The following COL26A1 variants were observed in gnomAD, a reference collection of about 807,000 sequenced individuals.
COL26A1 encodes collagen type XXVI alpha 1 chain, also known as collagen alpha-1(XXVI) chain.
In COL26A1, 41 loss-of-function variants were observed where a neutral mutation model predicts 59.3. That is an observed-to-expected ratio of 0.69 (90% CI 0.54 to 0.90). COL26A1 has a LOEUF of 0.90. COL26A1 is among the 40% of genes least tolerant of loss of function. The pLI is 0.00. For synonymous variants in COL26A1, 266 were observed against 256.0 expected (o/e 1.04, Z -0.37); for missense variants, 612 against 602.3 (o/e 1.02, Z -0.17).
At chr7:101,402,592 TC>T (rs1792035419) in intron 1 of COL26A1, among the ~76,000 whole-genome samples, 2 of 151,804 alleles carry the variant, frequency 1.3e-5, no homozygotes, top group South Asian at 4.2e-4. Context: ...TCTTTTTTCT[TC>T]CTTCCTTCTT....
At chr7:101,423,766 G>A (rs1792580541) in intron 2 of COL26A1, among the ~76,000 whole-genome samples, 1 of 151,634 alleles carries the variant, frequency 6.6e-6, no homozygotes, top group South Asian at 2.1e-4. Context: ...TCTTCGATGT[G>A]GTGTTCACTG....
At chr7:101,422,245 A>G (rs902657919) in intron 2 of COL26A1, among the ~76,000 whole-genome samples, 1 of 151,250 alleles carries the variant, frequency 6.6e-6, no homozygotes, top group African/African-American at 2.4e-5. Flanking sequence ...CGGGAGAAGG[A>G]GGTTGCAGTG....
rs747999760 is a variant in COL26A1 at position 101,457,894 on chromosome 7, CTTTTTTTTT to C, written c.385+10119_385+10127del. Among the ~76,000 whole-genome samples, 3 of 113,698 alleles carry C rather than the reference CTTTTTTTTT, an allele frequency of 2.6e-5. No individual in the cohort carries two copies. The Admixed American group carries it at 2.8e-4, about 10-fold the overall frequency. 74.6% of individuals were successfully genotyped at this position (113,698 alleles called of 152,430 possible). A position where few individuals can be genotyped will look rare whatever the true frequency, so the allele number is the denominator to read the frequency against. ...TTTGCTAGGTTGTGGTATAGCTTAA[CTTTTTTTTT>C]TTTTTTTTTTTGAAATGGAGTCTCA... On this transcript the variant is annotated intron_variant, in intron 3 of 12. Coordinates refer to ENST00000313669, the MANE Select transcript of COL26A1 (RefSeq NM_001278563.3).
intron 3 of COL26A1, among the ~76,000 whole-genome samples, chr7:101,453,687 C>T (rs537304998): frequency 1.1e-4 from 17 of 152,272 alleles, no homozygotes; most frequent in African/African-American, 3.6e-4. Flanking sequence ...CTGAAGAATT[C>T]CTGGGAGTCT....
At chr7:101,400,661 C>T (rs757811322) in intron 1 of COL26A1, among the ~76,000 whole-genome samples, 6 of 152,132 alleles carry the variant, frequency 3.9e-5, no homozygotes, top group African/African-American at 7.2e-5. Flanking sequence ...CAGGTTCAAA[C>T]GATTCTTCTG....
intron 1 of COL26A1, among the ~76,000 whole-genome samples, chr7:101,383,377 A>G (rs1311199847): frequency 1.3e-5 from 2 of 150,796 alleles, no homozygotes; most frequent in East Asian, 1.9e-4. Flanking sequence ...TTGAATTTTA[A>G]TTTTTTGAGA....
chr7:101,397,430 TCTTTA>T (rs933430572), intron 1 of COL26A1, among the ~76,000 whole-genome samples: 5 of 151,658 alleles, frequency 3.3e-5, no homozygotes, highest in African/African-American at 1.2e-4. Flanking sequence ...CTTTTCTCTT[TCTTTA>T]CTTCTTTTCT....
intron 3 of COL26A1, among the ~76,000 whole-genome samples, chr7:101,476,862 G>C (rs78333673): frequency 8.0e-6 from 1 of 125,438 alleles, no homozygotes; most frequent in Non-Finnish European, 1.7e-5. Context: ...TTTTTTTTTT[G>C]AGATGGAATC....
chr7:101,422,302 A>T (rs926374156), intron 2 of COL26A1, among the ~76,000 whole-genome samples: 1 of 139,454 alleles, frequency 7.2e-6, no homozygotes, highest in Admixed American at 7.3e-5. Flanking sequence ...CAAGAACAAA[A>T]CTCCATCTCA....
intron 2 of COL26A1, among the ~76,000 whole-genome samples, chr7:101,435,695 T>C (rs1473528127): frequency 6.6e-6 from 1 of 152,164 alleles, no homozygotes; most frequent in Non-Finnish European, 1.5e-5. Context: ...TGGGGCCTGA[T>C]AGACTTAGAA....
chr7:101,459,124 C>A (rs1370153441), intron 3 of COL26A1, among the ~76,000 whole-genome samples: 1 of 152,000 alleles, frequency 6.6e-6, no homozygotes. Flanking sequence ...GAACAGGGAT[C>A]TTTTTGTTCC....
chr7:101,435,324 A>G (rs1792889650), intron 2 of COL26A1, among the ~76,000 whole-genome samples: 1 of 152,170 alleles, frequency 6.6e-6, no homozygotes. Context: ...CTCAATAAAA[A>G]AAGAAGACAG....
chr7:101,401,581 AAAG>A (rs150719338), intron 1 of COL26A1, among the ~76,000 whole-genome samples: 32,756 of 145,708 alleles, frequency 0.22, 3,922 homozygotes, highest in African/African-American at 0.25. Context: ...AGGAGGAGGA[AAAG>A]GAGGAGGAAG....
At chr7:101,398,783 C>T (rs543531307) in intron 1 of COL26A1, among the ~76,000 whole-genome samples, 2 of 152,156 alleles carry the variant, frequency 1.3e-5, no homozygotes, top group South Asian at 2.1e-4. Flanking sequence ...AGGAGGGGGT[C>T]GACTTTGCTG....
In COL26A1 at chr7:101,406,064, A is replaced by G. The variant is rs79763086; in HGVS notation, c.159-13913A>G. On this transcript the variant is annotated intron_variant, in intron 1 of 12. Transcript: ENST00000313669. ...CTCCCTCCTCCCCGGATGGAAATCCACACAACTCCTTTGCCCTTCAGACCT... is the reference window on the plus strand; with the variant it reads ...CTCCCTCCTCCCCGGATGGAAATCCGCACAACTCCTTTGCCCTTCAGACCT... 1.3e-3 allele frequency among the ~76,000 whole-genome samples: 191 copies of G among 152,318 alleles called. 5 individuals are homozygous for G. In the East Asian group the frequency reaches 0.033, roughly 27 times the overall value.
chr7:101,442,330 T>C (rs1352633910), intron 2 of COL26A1, among the ~76,000 whole-genome samples: 1 of 2,184 alleles, frequency 4.6e-4, no homozygotes. Context: ...TAGGTCTTTC[T>C]TTTTTTTTTT....
intron 2 of COL26A1, among the ~76,000 whole-genome samples, chr7:101,421,597 C>T (rs958260283): frequency 6.6e-6 from 1 of 151,628 alleles, no homozygotes; most frequent in Non-Finnish European, 1.5e-5. Context: ...ATCACTTGAA[C>T]CCAGGAGGTG....
rs1007505001 is a variant in COL26A1 at position 101,375,267 on chromosome 7, A to G, written c.158+12077A>G. On this transcript the variant is annotated intron_variant, in intron 1 of 12. Transcript: ENST00000313669. The stretch of plus-strand genomic sequence containing the variant: ...GTCATTCTGGGGCTTATGCAAGTTA[A>G]TATTAATCAAGCGCTTAGAACAATG... Among the ~76,000 whole-genome samples the G allele has an allele frequency of 7.4e-4, 112 of 152,222 alleles. 1 individual carries two copies. Among genetic ancestry groups the G allele is most frequent in the African/African-American group, 2.7e-3 (112 of 41,532 alleles).
chr7:101,431,135 A>C (rs1792769698), intron 2 of COL26A1, among the ~76,000 whole-genome samples: 1 of 152,132 alleles, frequency 6.6e-6, no homozygotes, highest in Admixed American at 6.6e-5. Flanking sequence ...TTGCCTGTGT[A>C]CTGGCTAGAC....
Sources: allele counts gnomAD v4.1 joint callset (sites outside exome capture counted in the v4.1 genomes callset), GRCh38; gene constraint gnomAD v4.1.1; transcripts MANE v1.5; gene names NCBI Gene and HGNC (gene_info 2026-07-23, HGNC 2026-07-21).